ZNF365: variants seen among roughly 807,000 people sequenced by gnomAD.
The protein encoded by ZNF365 is protein ZNF365.
ZNF365 carries 22 observed loss-of-function variants against 35.0 expected under a neutral mutation model. The observed-to-expected ratio is 0.63, with a 90% CI of 0.45 to 0.90. The LOEUF is 0.90. Among genes scored for constraint, ZNF365 ranks in the 40% least tolerant of loss-of-function variants. The pLI, the probability that ZNF365 is intolerant of heterozygous loss-of-function variation, is 0.00. For missense variants in ZNF365, 448 were observed against 500.3 expected (o/e 0.90, Z 1.00); for synonymous variants, 188 against 196.2 (o/e 0.96, Z 0.35).
At chr10:62,459,931 C>T (rs1327702618) in intron 4 of ZNF365, 2 of 730,168 alleles carry the variant, frequency 2.7e-6, no homozygotes, top group African/African-American at 3.5e-5. Context: ...TTTTCACATT[C>T]TCCTTCTCCC....
downstream of ZNF365, among the ~76,000 whole-genome samples, chr10:62,405,521 A>G (rs1564576904): frequency 6.6e-6 from 1 of 152,158 alleles, no homozygotes. Flanking sequence ...CCAAAAAATG[A>G]TCCTATATGC....
rs1052984057 is a variant in ZNF365, at chr10:62,473,541, G to A, written c.982-6335G>A. Among the ~76,000 whole-genome samples the A allele has an allele frequency of 7.2e-5, 11 of 152,148 alleles. No individual in the cohort carries two copies. In the South Asian group the frequency reaches 1.7e-3, roughly 23 times the overall value. On this transcript the variant is annotated intron_variant, in intron 4 of 4. Transcript: ENST00000395255. ...ACTAGTTCTACTATTAGTTAGTTAC[G>A]TGACATTGAACAAGTACTTCCACCT...
intron 3 of ZNF365, among the ~76,000 whole-genome samples, chr10:62,430,371 G>A (rs1415705015): frequency 1.3e-5 from 2 of 151,548 alleles, no homozygotes; most frequent in Admixed American, 6.6e-5. Context: ...TAGTAGAGAC[G>A]GGGTTTCACC....
At chr10:62,404,315 A>G (rs371342367), downstream of ZNF365, among the ~76,000 whole-genome samples, 6 of 152,346 alleles carry the variant, frequency 3.9e-5, no homozygotes, top group East Asian at 5.8e-4. Context: ...CTGAGGTGTT[A>G]TCACATAGAA....
chr10:62,475,289 G>A (rs1421893068), intron 4 of ZNF365, among the ~76,000 whole-genome samples: 2 of 152,158 alleles, frequency 1.3e-5, no homozygotes, highest in African/African-American at 4.8e-5. Flanking sequence ...AGTCTGCAGT[G>A]GCATGTACCT....
intron 3 of ZNF365, among the ~76,000 whole-genome samples, chr10:62,396,741 C>T (rs1333388733): frequency 6.6e-6 from 1 of 152,190 alleles, no homozygotes; most frequent in Admixed American, 6.5e-5. Flanking sequence ...GAAACATACA[C>T]ACACATGTAT....
intron 3 of ZNF365, among the ~76,000 whole-genome samples, chr10:62,449,112 G>A (rs1840637823): frequency 6.6e-6 from 1 of 152,058 alleles, no homozygotes; most frequent in African/African-American, 2.4e-5. Context: ...TATTTGAGGG[G>A]GAGTAAAGGA....
At chr10:62,404,281 G>T (rs921151564), downstream of ZNF365, among the ~76,000 whole-genome samples, 1 of 152,198 alleles carries the variant, frequency 6.6e-6, no homozygotes, top group Non-Finnish European at 1.5e-5. Context: ...GAGAAGAGGA[G>T]AGATTATTGC....
At chr10:62,413,265 T>C (rs577851338) in intron 3 of ZNF365, among the ~76,000 whole-genome samples, 2 of 152,200 alleles carry the variant, frequency 1.3e-5, no homozygotes, top group South Asian at 2.1e-4. Flanking sequence ...CTCATACTAG[T>C]TAAATAAAGG....
At chr10:62,433,653 C>A (rs768933313) in intron 3 of ZNF365, among the ~76,000 whole-genome samples, 1 of 152,138 alleles carries the variant, frequency 6.6e-6, no homozygotes, top group Non-Finnish European at 1.5e-5. Flanking sequence ...CACAGAGCTC[C>A]AAGTCAGGTT....
intron 3 of ZNF365, among the ~76,000 whole-genome samples, chr10:62,419,363 A>G (rs1840130055): frequency 6.6e-6 from 1 of 152,074 alleles, no homozygotes; most frequent in African/African-American, 2.4e-5. Context: ...AGGAAGACGG[A>G]GGCTGAGGCA....
In ZNF365 at chr10:62,419,971, C is replaced by CA. The variant is rs574708569; in HGVS notation, c.924+31402dup. ...ATTCCTGGTTTGCTAAGATATATCA[C>CA]AAAAAAATATATAAATTTAGAGAGA... On this transcript the variant is annotated intron_variant, in intron 3 of 4. Transcript: ENST00000395255. 7.0e-3 allele frequency among the ~76,000 whole-genome samples: 1,056 copies of CA among 151,812 alleles called. 9 individuals are homozygous for CA. Among genetic ancestry groups the CA allele is most frequent in the Non-Finnish European group, 0.012 (818 of 67,912 alleles).
intron 3 of ZNF365, among the ~76,000 whole-genome samples, chr10:62,407,486 C>T (rs1021691334): frequency 6.6e-6 from 1 of 152,070 alleles, no homozygotes; most frequent in African/African-American, 2.4e-5. Flanking sequence ...CTTTACCCTT[C>T]TTAGGAAAAC....
At chr10:62,458,564 T>C (rs1840797777) in intron 3 of ZNF365, among the ~76,000 whole-genome samples, 1 of 152,190 alleles carries the variant, frequency 6.6e-6, no homozygotes. Flanking sequence ...ATGTGTTTTT[T>C]TTAAAACAAC....
chr10:62,410,844 A>G (rs988478070), intron 3 of ZNF365, among the ~76,000 whole-genome samples: 1 of 152,142 alleles, frequency 6.6e-6, no homozygotes, highest in Non-Finnish European at 1.5e-5. Flanking sequence ...TCTTTGAGAA[A>G]TGATCACACT....
chr10:62,409,254 T>G (rs985342617), intron 3 of ZNF365, among the ~76,000 whole-genome samples: 2 of 152,140 alleles, frequency 1.3e-5, no homozygotes, highest in Non-Finnish European at 2.9e-5. Flanking sequence ...CCTGAGGTAT[T>G]GGCAATGACA....
At chr10:62,422,519 T>C (rs965510418) in intron 3 of ZNF365, among the ~76,000 whole-genome samples, 1 of 152,154 alleles carries the variant, frequency 6.6e-6, no homozygotes, top group Non-Finnish European at 1.5e-5. Context: ...TTAGACCTAA[T>C]GACCAAGCAG....
intron 3 of ZNF365, among the ~76,000 whole-genome samples, chr10:62,422,302 A>G (rs1213699539): frequency 6.6e-6 from 1 of 152,304 alleles, no homozygotes; most frequent in East Asian, 1.9e-4. Flanking sequence ...AGAGAATATA[A>G]GTCGCTATGC....
chr10:62,467,857 T>C (rs1250152262), intron 4 of ZNF365, among the ~76,000 whole-genome samples: 1 of 152,156 alleles, frequency 6.6e-6, no homozygotes, highest in African/African-American at 2.4e-5. Context: ...AGCTGCTCAG[T>C]CTTTGGGCAG....
Sources: gnomAD v4.1 joint callset for allele counts (sites outside exome capture counted in the v4.1 genomes callset) on GRCh38, gnomAD v4.1.1 for gene constraint, MANE v1.5 for transcripts, NCBI Gene and HGNC (gene_info 2026-07-23, HGNC 2026-07-21) for gene names.